SNTB1: variants seen among roughly 807,000 people sequenced by gnomAD.
The protein encoded by SNTB1 is beta-1-syntrophin.
A neutral mutation model predicts 48.9 loss-of-function variants in SNTB1; 36 were observed. The ratio of observed to expected loss-of-function variants is 0.74; its 90% CI spans 0.56 to 0.97. The LOEUF is 0.97. SNTB1 is among the 50% of genes least tolerant of loss of function. The probability of loss-of-function intolerance (pLI) is 0.00; values close to 1 mark genes in which losing one functional copy is unlikely to be tolerated. For synonymous variants in SNTB1, 299 were observed against 294.6 expected (o/e 1.01, Z -0.15); for missense variants, 786 against 703.4 (o/e 1.12, Z -1.33).
chr8:120,718,367 T>C (rs892147600), intron 1 of SNTB1, among the ~76,000 whole-genome samples: 13 of 152,212 alleles, frequency 8.5e-5, no homozygotes, highest in Admixed American at 5.2e-4. Flanking sequence ...GTGAGCAGGA[T>C]TCATGTTTCA....
At position 120,687,973 on chromosome 8, in the gene SNTB1, T is replaced by C. The variant is rs116197798; in HGVS notation, c.788+5719A>G. Reference sequence around the variant, plus strand: ...TTGTGGTGACATCACTAAGGGTACCTTGTAGCAACATATCCAGGCATCTTA... The same window carrying C: ...TTGTGGTGACATCACTAAGGGTACCCTGTAGCAACATATCCAGGCATCTTA... On this transcript the variant is annotated intron_variant, in intron 2 of 6. Transcript: ENST00000517992. Among the ~76,000 whole-genome samples the C allele has an allele frequency of 7.8e-3, 1,185 of 152,336 alleles. 15 individuals carry two copies. Among genetic ancestry groups the C allele is most frequent in the African/African-American group, 0.028 (1,147 of 41,582 alleles).
intron 1 of SNTB1, among the ~76,000 whole-genome samples, chr8:120,793,246 A>G (rs575473485): frequency 3.3e-5 from 5 of 152,060 alleles, no homozygotes; most frequent in Non-Finnish European, 5.9e-5. Flanking sequence ...GAGAGGTGGA[A>G]GGAGAACCAA....
rs201399849 is a variant in SNTB1, at chr8:120,590,680, C to CTTT, written c.997-15458_997-15456dup. The stretch of plus-strand genomic sequence containing the variant: ...AGGTTTCTTTCTTTTGTTTTCTTTT[C>CTTT]TTTTCTTTTTTTTTTTTTTTGAGAC... On this transcript the variant is annotated intron_variant, in intron 3 of 6. Coordinates refer to ENST00000517992, the MANE Select transcript of SNTB1 (RefSeq NM_021021.4). Among the ~76,000 whole-genome samples the CTTT allele has an allele frequency of 6.4e-4, 84 of 131,000 alleles. 1 individual carries two copies. Among genetic ancestry groups the CTTT allele is most frequent in the African/African-American group, 2.6e-3 (77 of 29,542 alleles). 85.9% of individuals were successfully genotyped at this position (131,000 alleles called of 152,430 possible). A position where few individuals can be genotyped will look rare whatever the true frequency, so the allele number is the denominator to read the frequency against.
intron 2 of SNTB1, among the ~76,000 whole-genome samples, chr8:120,684,160 G>C (rs1488633161): frequency 2.0e-5 from 3 of 152,134 alleles, no homozygotes; most frequent in African/African-American, 7.2e-5. Context: ...GCACCCTTGG[G>C]CTCTTTTATA....
intron 2 of SNTB1, among the ~76,000 whole-genome samples, chr8:120,658,016 C>T (rs1417602210): frequency 6.6e-6 from 1 of 152,186 alleles, no homozygotes; most frequent in Admixed American, 6.6e-5. Flanking sequence ...GTGAAGTTAG[C>T]AGTGCTTCAA....
At chr8:120,785,387 G>A (rs984334546) in intron 1 of SNTB1, among the ~76,000 whole-genome samples, 8 of 152,224 alleles carry the variant, frequency 5.3e-5, no homozygotes, top group African/African-American at 1.9e-4. Flanking sequence ...GCTAGCTGCT[G>A]CTAGCAGAAC....
chr8:120,684,620 T>C (rs1817995602), intron 2 of SNTB1, among the ~76,000 whole-genome samples: 1 of 151,518 alleles, frequency 6.6e-6, no homozygotes, highest in African/African-American at 2.4e-5. Context: ...ATAACAGGTC[T>C]TGACCAAATC....
chr8:120,571,996 C>A (rs959724394), intron 4 of SNTB1, among the ~76,000 whole-genome samples: 1 of 152,054 alleles, frequency 6.6e-6, no homozygotes, highest in Non-Finnish European at 1.5e-5. Flanking sequence ...TAGCTCCCCA[C>A]CTCCCCGGCC....
chr8:120,706,080 A>C (rs1379027835), intron 1 of SNTB1, among the ~76,000 whole-genome samples: 1 of 152,122 alleles, frequency 6.6e-6, no homozygotes, highest in East Asian at 1.9e-4. Flanking sequence ...AATTTCAAAA[A>C]ATGTATACAA....
chr8:120,720,133 A>G (rs1818634434), intron 1 of SNTB1, among the ~76,000 whole-genome samples: 1 of 152,230 alleles, frequency 6.6e-6, no homozygotes, highest in Non-Finnish European at 1.5e-5. Context: ...ACTATCTAAC[A>G]TAAATAACCT....
At chr8:120,759,062 T>G (rs1819366848) in intron 1 of SNTB1, among the ~76,000 whole-genome samples, 1 of 152,076 alleles carries the variant, frequency 6.6e-6, no homozygotes, top group Admixed American at 6.6e-5. Flanking sequence ...TGAGCCACCT[T>G]GCCCAGCCCC....
At chr8:120,784,329 T>C (rs1008174457) in intron 1 of SNTB1, among the ~76,000 whole-genome samples, 6 of 152,014 alleles carry the variant, frequency 3.9e-5, no homozygotes, top group Non-Finnish European at 7.4e-5. Flanking sequence ...GAGTATCCAA[T>C]GATTATGGTA....
At chr8:120,549,356 C>T (rs945498412) in intron 4 of SNTB1, among the ~76,000 whole-genome samples, 11 of 152,128 alleles carry the variant, frequency 7.2e-5, no homozygotes, top group African/African-American at 2.7e-4. Flanking sequence ...GGCTTCACTC[C>T]CCTGTGTCTC....
intron 3 of SNTB1, among the ~76,000 whole-genome samples, chr8:120,590,665 CTTTTGTTTTCTTTTCT>C (rs1563825575): frequency 2.1e-5 from 3 of 145,874 alleles, no homozygotes; most frequent in African/African-American, 8.0e-5. Flanking sequence ...AGGTTTCTTT[CTTTTGTTTTCTTTTCT>C]TTTCTTTTTT....
At chr8:120,613,521 A>G (rs998196727) in intron 3 of SNTB1, among the ~76,000 whole-genome samples, 2 of 152,112 alleles carry the variant, frequency 1.3e-5, no homozygotes, top group East Asian at 1.9e-4. Flanking sequence ...CCATCCCACC[A>G]TCTCCTCTCC....
chr8:120,709,041 T>C (rs952499950), intron 1 of SNTB1, among the ~76,000 whole-genome samples: 2 of 148,636 alleles, frequency 1.3e-5, no homozygotes, highest in African/African-American at 5.0e-5. Flanking sequence ...GTTAAACAAA[T>C]GAATGCATGA....
chr8:120,689,315 G>A (rs898721238), intron 2 of SNTB1, among the ~76,000 whole-genome samples: 5 of 152,120 alleles, frequency 3.3e-5, no homozygotes, highest in African/African-American at 4.8e-5. Context: ...TTAACTCCTG[G>A]CCAAGGTGCT....
intron 2 of SNTB1, chr8:120,635,905 ATTCT>A: frequency 2.3e-6 from 1 of 433,264 alleles, no homozygotes. Flanking sequence ...TGGTCACCAA[ATTCT>A]TTATTTCCTT....
At chr8:120,604,483 T>C (rs1426820065) in intron 3 of SNTB1, among the ~76,000 whole-genome samples, 1 of 150,656 alleles carries the variant, frequency 6.6e-6, no homozygotes, top group Non-Finnish European at 1.5e-5. Context: ...TGAGACAGTT[T>C]CTCTCTGTCT....
Sources: gnomAD v4.1 joint callset for allele counts (sites outside exome capture counted in the v4.1 genomes callset) on GRCh38, gnomAD v4.1.1 for gene constraint, MANE v1.5 for transcripts, NCBI Gene and HGNC (gene_info 2026-07-23, HGNC 2026-07-21) for gene names.